The following MEGF11 variants were observed in gnomAD, a reference collection of about 807,000 sequenced individuals.
MEGF11 encodes multiple EGF like domains 11, also known as multiple epidermal growth factor-like domains protein 11.
A neutral mutation model predicts 146.6 loss-of-function variants in MEGF11; 126 were observed. That is an observed-to-expected ratio of 0.86 (90% CI 0.74 to 1.00). The LOEUF (loss-of-function observed/expected upper bound fraction) is 1.00. Ranked by LOEUF, MEGF11 falls within the 50% of genes least tolerant of loss-of-function variation. The pLI is 0.00. For synonymous variants in MEGF11, 532 were observed against 583.4 expected (o/e 0.91, Z 1.27); for missense variants, 1,509 against 1,521.2 (o/e 0.99, Z 0.13).
At chr15:66,174,509 T>C (rs2090342153) in intron 1 of MEGF11, among the ~76,000 whole-genome samples, 1 of 152,130 alleles carries the variant, frequency 6.6e-6, no homozygotes, top group South Asian at 2.1e-4. Flanking sequence ...TCCTGTAACA[T>C]GTGGGGTTGG....
chr15:65,962,590 C>T (rs547721279), intron 9 of MEGF11, among the ~76,000 whole-genome samples: 4 of 152,100 alleles, frequency 2.6e-5, no homozygotes, highest in Non-Finnish European at 5.9e-5. Context: ...GGCCAGTGTA[C>T]CAAGAGAAAG....
At chr15:66,227,055 C>G (rs905083000) in intron 1 of MEGF11, among the ~76,000 whole-genome samples, 5 of 152,168 alleles carry the variant, frequency 3.3e-5, no homozygotes, top group Non-Finnish European at 7.3e-5. Context: ...CCACGGAGGC[C>G]TCTGAAAAGC....
At chr15:66,166,718 A>C (rs2090107198) in intron 1 of MEGF11, among the ~76,000 whole-genome samples, 1 of 151,572 alleles carries the variant, frequency 6.6e-6, no homozygotes, top group African/African-American at 2.4e-5. Flanking sequence ...CTCTCTTCCC[A>C]GATCCGCCTC....
chr15:66,109,385 C>T (rs1221525092), intron 4 of MEGF11, among the ~76,000 whole-genome samples: 1 of 152,188 alleles, frequency 6.6e-6, no homozygotes, highest in Non-Finnish European at 1.5e-5. Flanking sequence ...CTCGCCTTTG[C>T]TCATGCTGCC....
intron 1 of MEGF11, among the ~76,000 whole-genome samples, chr15:66,180,234 C>G (rs2090509954): frequency 6.6e-6 from 1 of 152,240 alleles, no homozygotes; most frequent in South Asian, 2.1e-4. Flanking sequence ...TGTGAAGGAG[C>G]TAGAACATTC....
chr15:66,014,352 T>C (rs529845420), intron 5 of MEGF11, among the ~76,000 whole-genome samples: 2 of 152,326 alleles, frequency 1.3e-5, no homozygotes, highest in African/African-American at 2.4e-5. Context: ...ACATTCATTT[T>C]CAGAGACACT....
intron 7 of MEGF11, among the ~76,000 whole-genome samples, chr15:65,977,277 A>T (rs2081485463): frequency 1.3e-5 from 2 of 151,932 alleles, no homozygotes; most frequent in Admixed American, 6.6e-5. Context: ...ACTCAGCCTC[A>T]TCAAGCATCT....
At chr15:66,096,407 C>A (rs1391543804) in intron 4 of MEGF11, among the ~76,000 whole-genome samples, 1 of 152,226 alleles carries the variant, frequency 6.6e-6, no homozygotes, top group Non-Finnish European at 1.5e-5. Flanking sequence ...GAGGCCTGAG[C>A]GTTCATGGCC....
intron 1 of MEGF11, among the ~76,000 whole-genome samples, chr15:66,213,047 C>T (rs147595849): frequency 4.6e-5 from 7 of 152,208 alleles, no homozygotes; most frequent in African/African-American, 1.4e-4. Flanking sequence ...GGACAAAGGA[C>T]GGGCAGAAAG....
intron 1 of MEGF11, among the ~76,000 whole-genome samples, chr15:66,173,631 T>C (rs2141123811): frequency 6.6e-6 from 1 of 152,314 alleles, no homozygotes; most frequent in South Asian, 2.1e-4. Context: ...AAGGTGATTA[T>C]TTAGTCAATA....
At chr15:65,942,165 T>C (rs147586070) in intron 10 of MEGF11, among the ~76,000 whole-genome samples, 96 of 152,220 alleles carry the variant, frequency 6.3e-4, no homozygotes, top group African/African-American at 2.1e-3. Flanking sequence ...CCAAGTTCTC[T>C]CCCCTAGACC....
intron 1 of MEGF11, among the ~76,000 whole-genome samples, chr15:66,229,362 G>A (rs967541963): frequency 1.3e-5 from 2 of 152,076 alleles, no homozygotes; most frequent in Non-Finnish European, 1.5e-5. Flanking sequence ...GGATATGCAC[G>A]TGTCCCAGCC....
At chr15:66,141,969 G>T (rs1257767773) in intron 1 of MEGF11, among the ~76,000 whole-genome samples, 1 of 151,916 alleles carries the variant, frequency 6.6e-6, no homozygotes, top group Non-Finnish European at 1.5e-5. Context: ...TTGGGTCGGT[G>T]GGGGGATCGG....
intron 5 of MEGF11, among the ~76,000 whole-genome samples, chr15:66,060,642 C>T (rs909175477): frequency 6.6e-6 from 1 of 152,214 alleles, no homozygotes; most frequent in African/African-American, 2.4e-5. Flanking sequence ...ACTTGGCCCC[C>T]CCGCCATGGC....
At chr15:66,253,276 C>T (rs978232474) in intron 1 of MEGF11, among the ~76,000 whole-genome samples, 1 of 152,212 alleles carries the variant, frequency 6.6e-6, no homozygotes, top group African/African-American at 2.4e-5. Context: ...CGCGCCACTG[C>T]TCTCGGGTCT....
chr15:66,059,046 C>T (rs551089181), intron 5 of MEGF11, among the ~76,000 whole-genome samples: 2 of 152,214 alleles, frequency 1.3e-5, no homozygotes, highest in African/African-American at 2.4e-5. Context: ...GTCAGGGCCC[C>T]GTCATCAAAC....
chr15:65,990,439 T>A (rs2081994924), intron 5 of MEGF11, among the ~76,000 whole-genome samples: 1 of 151,626 alleles, frequency 6.6e-6, no homozygotes, highest in Admixed American at 6.6e-5. Context: ...TAGTCCCAAC[T>A]ACTCAGGAGG....
intron 1 of MEGF11, among the ~76,000 whole-genome samples, chr15:66,160,968 G>A (rs1268571994): frequency 6.6e-6 from 1 of 152,108 alleles, no homozygotes; most frequent in Non-Finnish European, 1.5e-5. Flanking sequence ...ATCAGGGGAG[G>A]AGTGCCCAGG....
chr15:65,945,226 A>G (rs2080147090), intron 10 of MEGF11, among the ~76,000 whole-genome samples: 1 of 151,920 alleles, frequency 6.6e-6, no homozygotes, highest in African/African-American at 2.4e-5. Flanking sequence ...TTTCCTCTAG[A>G]TTTTTCTGGC....
Sources: allele counts gnomAD v4.1 joint callset (sites outside exome capture counted in the v4.1 genomes callset), GRCh38; gene constraint gnomAD v4.1.1; transcripts MANE v1.5; gene names NCBI Gene and HGNC (gene_info 2026-07-23, HGNC 2026-07-21).